Variants in INSR observed in about 807,000 individuals in gnomAD.
INSR encodes the protein insulin receptor.
In INSR, 67 loss-of-function variants were observed where a neutral mutation model predicts 142.6. The ratio of observed to expected loss-of-function variants is 0.47; its 90% CI spans 0.39 to 0.58. The LOEUF is 0.58. Ranked by LOEUF, INSR falls within the 20% of genes least tolerant of loss-of-function variation. INSR has a pLI of 0.00. For synonymous variants in INSR, 756 were observed against 743.1 expected (o/e 1.02, Z -0.28); for missense variants, 1,248 against 1,833.2 (o/e 0.68, Z 5.83).
Position 7,117,206 on chromosome 19 carries a change from C to T in INSR, c.3999G>A (p.Ser1333=), listed in dbSNP as rs746489788. ...DMENVPLDRS[S]HCQREEAGGR... is the part of the protein sequence containing the mutation. The stretch of plus-strand genomic sequence containing the variant: ...CCCCCGCCTCCTCCCTCTGACAGTG[C>T]GAGGAACGGTCCAGGGGCACATTCT... The change falls in exon 22 of 22, where the codon TCG becomes TCA. Residue 1333 remains serine, a synonymous_variant. Transcript: ENST00000302850. The T allele has an allele frequency of 9.3e-6, 15 of 1,614,014 alleles. 1 individual carries two copies. Among genetic ancestry groups the T allele is most frequent in the Middle Eastern group, 1.6e-4 (1 of 6,084 alleles).
chr19:7,242,977 A>G (rs548961719), intron 2 of INSR, among the ~76,000 whole-genome samples: 1 of 152,186 alleles, frequency 6.6e-6, no homozygotes, highest in East Asian at 1.9e-4. Flanking sequence ...AGATTCTTAG[A>G]GCCATGTTAG....
At chr19:7,253,399 G>A (rs1976795184) in intron 2 of INSR, among the ~76,000 whole-genome samples, 1 of 151,580 alleles carries the variant, frequency 6.6e-6, no homozygotes, top group Admixed American at 6.6e-5. Context: ...CCACCAGCCC[G>A]GCTTATTTTT....
chr19:7,276,308 G>A (rs1968061252), intron 1 of INSR, among the ~76,000 whole-genome samples: 2 of 151,828 alleles, frequency 1.3e-5, no homozygotes, highest in East Asian at 1.9e-4. Context: ...ACCATGCCTG[G>A]CTAATTTTTG....
At chr19:7,153,310 A>ACC (rs1295580957) in intron 9 of INSR, among the ~76,000 whole-genome samples, 3 of 139,190 alleles carry the variant, frequency 2.2e-5, no homozygotes, top group Admixed American at 7.3e-5. Flanking sequence ...CACCACACAA[A>ACC]TCACACACAC....
Position 7,216,176 on chromosome 19 carries a change from T to C in INSR, c.653-31539A>G, listed in dbSNP as rs1568491865. 6.6e-6 allele frequency among the ~76,000 whole-genome samples: 1 copy of C among 151,880 alleles called. No individual in the cohort carries two copies. Among genetic ancestry groups the C allele is most frequent in the Non-Finnish European group, 1.5e-5 (1 of 67,996 alleles). On this transcript the variant is annotated intron_variant, in intron 2 of 21. Coordinates refer to ENST00000302850, the MANE Select transcript of INSR (RefSeq NM_000208.4). This position sits in a 1 kb window ranked among gnomAD's most constrained non-coding sequence, Gnocchi z 4.2. Reference sequence around the variant, plus strand: ...CGTCTCTACTAAAAGTACAAAAAATTAGCCAGGTGTGGTGGCGTGCACCTG... The same window carrying C: ...CGTCTCTACTAAAAGTACAAAAAATCAGCCAGGTGTGGTGGCGTGCACCTG...
intron 13 of INSR, 42 bp from the exon 14 acceptor site, chr19:7,132,359 GCA>G: frequency 6.2e-7 from 1 of 1,603,070 alleles, no homozygotes; most frequent in African/African-American, 1.3e-5. Context: ...GCTGAGCTTT[GCA>G]CATCTGGGAG....
chr19:7,170,755 T>C lies in INSR; in HGVS notation c.1269-4A>G. The C allele has an allele frequency of 1.9e-6, 3 of 1,609,588 alleles. No homozygotes were observed. Among genetic ancestry groups the C allele is most frequent in the East Asian group, 4.5e-5 (2 of 44,856 alleles). ...CAAGGCATAGAAGGAGTAGTTCCTATGGAAAAAACACACACATCTAGTCAT... is the reference window on the plus strand; with the variant it reads ...CAAGGCATAGAAGGAGTAGTTCCTACGGAAAAAACACACACATCTAGTCAT... On this transcript the variant is annotated splice_polypyrimidine_tract_variant and splice_region_variant and intron_variant, in intron 5 of 21. Coordinates refer to ENST00000302850, the MANE Select transcript of INSR (RefSeq NM_000208.4).
At chr19:7,198,899 T>TGGG (rs57116223) in intron 2 of INSR, among the ~76,000 whole-genome samples, 1 of 59,742 alleles carries the variant, frequency 1.7e-5, no homozygotes, top group African/African-American at 3.8e-5. Flanking sequence ...ACACTTTTTT[T>TGGG]GGGGGGGGGG....
chr19:7,154,502 TTG>T (rs1555741345), intron 9 of INSR, among the ~76,000 whole-genome samples: 50 of 150,138 alleles, frequency 3.3e-4, no homozygotes, highest in Non-Finnish European at 6.1e-4. Context: ...TGGGGTTTCA[TTG>T]TGTTAGCCAG....
intron 1 of INSR, among the ~76,000 whole-genome samples, chr19:7,269,591 C>T (rs369591556): frequency 5.3e-5 from 8 of 151,468 alleles, no homozygotes; most frequent in African/African-American, 7.3e-5. Context: ...CAGTCCCAGC[C>T]CCCCCACCCC....
intron 1 of INSR, among the ~76,000 whole-genome samples, chr19:7,283,789 G>A (rs1483383858): frequency 2.0e-5 from 3 of 152,126 alleles, no homozygotes; most frequent in Non-Finnish European, 4.4e-5. Flanking sequence ...GTTTGGCTCT[G>A]TGAAATTCCC....
chr19:7,213,372 C>A (rs111286010), intron 2 of INSR, among the ~76,000 whole-genome samples: 6,062 of 149,548 alleles, frequency 0.041, 431 homozygotes, highest in African/African-American at 0.14. Flanking sequence ...AACAAAAAAC[C>A]CTACAGGGCA....
intron 1 of INSR, among the ~76,000 whole-genome samples, chr19:7,278,230 C>A (rs1217419971): frequency 3.9e-5 from 6 of 152,180 alleles, no homozygotes. Context: ...ATCTGTAGGA[C>A]AGAACTGAAA....
chr19:7,247,196 C>A (rs1464593449), intron 2 of INSR, among the ~76,000 whole-genome samples: 1 of 152,164 alleles, frequency 6.6e-6, no homozygotes, highest in Non-Finnish European at 1.5e-5. Context: ...GCCAGGAAGA[C>A]AAACTCAGGC....
chr19:7,176,042 G>A (rs1261259251), intron 3 of INSR, among the ~76,000 whole-genome samples: 1 of 152,128 alleles, frequency 6.6e-6, no homozygotes, highest in African/African-American at 2.4e-5. Context: ...CCACAGTGAT[G>A]GGATTCACAC....
intron 11 of INSR, among the ~76,000 whole-genome samples, chr19:7,148,477 C>CTTTTTTTTTTTTTTTTTTTTTT (rs71177160): frequency 1.1e-5 from 1 of 95,062 alleles, no homozygotes; most frequent in African/African-American, 4.5e-5. Context: ...TGTATTTATT[C>CTTTTTTTTTTTTTTTTTTTTTT]TTTTTTTTTT....
At chr19:7,211,261 C>G (rs183551001) in intron 2 of INSR, among the ~76,000 whole-genome samples, 3 of 152,270 alleles carry the variant, frequency 2.0e-5, no homozygotes, top group African/African-American at 7.2e-5. Context: ...GAAATAGGCT[C>G]TTTCTGTATT....
chr19:7,180,790 C>T (rs1465995705), intron 3 of INSR, among the ~76,000 whole-genome samples: 1 of 151,970 alleles, frequency 6.6e-6, no homozygotes, highest in African/African-American at 2.4e-5. Context: ...AAAGCTCCTG[C>T]GGTAACGACC....
chr19:7,191,084 G>A (rs1398734608), intron 2 of INSR, among the ~76,000 whole-genome samples: 1 of 151,942 alleles, frequency 6.6e-6, no homozygotes, highest in Non-Finnish European at 1.5e-5. Flanking sequence ...ATCACCTGAG[G>A]TCAGGAGTTC....
Sources: allele counts gnomAD v4.1 joint callset (sites outside exome capture counted in the v4.1 genomes callset), GRCh38; gene constraint gnomAD v4.1.1; non-coding constraint Gnocchi (gnomAD v3.1); transcripts MANE v1.5; gene names NCBI Gene and HGNC (gene_info 2026-07-23, HGNC 2026-07-21).